Variants in NCBP3 observed in about 807,000 individuals in gnomAD.
NCBP3 encodes nuclear cap binding subunit 3.
Under a neutral mutation model 75.7 loss-of-function variants are expected in NCBP3, and 20 were observed. The observed-to-expected ratio is 0.26, with a 90% CI of 0.19 to 0.38. The LOEUF (loss-of-function observed/expected upper bound fraction) is 0.38, where lower values mean the gene tolerates loss of function less well. NCBP3 is among the 10% of genes least tolerant of loss of function. The pLI, the probability that NCBP3 is intolerant of heterozygous loss-of-function variation, is 1.00. For synonymous variants in NCBP3, 293 were observed against 290.5 expected (o/e 1.01, Z -0.09); for missense variants, 678 against 796.9 (o/e 0.85, Z 1.80).
chr17:3,824,453 CACACAT>C (rs202236183), intron 7 of NCBP3: 4,520 of 153,616 alleles, frequency 0.029, 110 homozygotes, highest in African/African-American at 0.066. Flanking sequence ...TGCATACATA[CACACAT>C]ACACGCGATA....
chr17:3,831,250 C>T (rs2053872366), intron 3 of NCBP3, among the ~76,000 whole-genome samples: 1 of 151,562 alleles, frequency 6.6e-6, no homozygotes, highest in South Asian at 2.1e-4. Context: ...CTCCTTTAAT[C>T]TCAATTGCAA....
At position 3,808,198 on chromosome 17, in the gene NCBP3, A is replaced by G. The variant is rs1597387918; in HGVS notation, c.*4846T>C. 2 of 152,252 alleles carry G rather than the reference A, an allele frequency of 1.3e-5. No homozygotes were observed. Among genetic ancestry groups the G allele is most frequent in the Admixed American group, 6.5e-5 (1 of 15,288 alleles). 9.4% of individuals were successfully genotyped at this position (152,252 alleles called of 1,614,324 possible). A position where few individuals can be genotyped will look rare whatever the true frequency, so the allele number is the denominator to read the frequency against. ...ACACCCCAAAACAAGTGATTTTTGC[A>G]CAACACAGCCCTAACTGCAGGCCAA... On this transcript the variant is annotated 3_prime_UTR_variant, in exon 13 of 13. Transcript: ENST00000389005.
chr17:3,835,350 G>C lies in NCBP3; in HGVS notation c.355+4750C>G, dbSNP rs534746022. ...ATGGCTGAGACAGAGACAACGGTGA[G>C]GAACAGTCCTGCCGTTCTCTCTGTG... On this transcript the variant is annotated intron_variant, in intron 3 of 12. Transcript: ENST00000389005. Among the ~76,000 whole-genome samples, 259 of 152,356 alleles carry C rather than the reference G, an allele frequency of 1.7e-3. 2 individuals carry two copies. The highest frequency in any genetic ancestry group is 2.7e-3 in the Non-Finnish European group (183 of 68,036).
Position 3,829,256 on chromosome 17 carries a change from C to T in NCBP3, c.468G>A (p.Leu156=). ...KEYPPAHIEW[L]DDTSCNVVWL... is the part of the protein sequence containing the mutation. ...GGGTGTACTTACAGGAGGTATCATC[C>T]AACCATTCGATGTGAGCTGGAGGAT... The change falls in exon 4 of 13, where the codon TTG becomes TTA. Residue 156 remains leucine (L), a synonymous_variant. Transcript: ENST00000389005. 1 of 1,551,568 alleles carries T rather than the reference C, an allele frequency of 6.4e-7. No individual in the cohort carries two copies.
chr17:3,820,592 T>C (rs1359081196), intron 9 of NCBP3, among the ~76,000 whole-genome samples: 2 of 152,340 alleles, frequency 1.3e-5, no homozygotes, highest in African/African-American at 2.4e-5. Flanking sequence ...CTATTTTTAA[T>C]ACAGAAAAAG....
In NCBP3 at chr17:3,807,201, T is replaced by C. The variant is rs935000084; in HGVS notation, c.*5843A>G. On this transcript the variant is annotated 3_prime_UTR_variant, in exon 13 of 13. Coordinates refer to ENST00000389005, the MANE Select transcript of NCBP3 (RefSeq NM_001114118.3). ...CCGACAGGACCACAGGCTTAAGAAC[T>C]GGCTCAGCAGTCCTTCTTTAGGGTC... 6.6e-6 allele frequency: 1 copy of C among 152,384 alleles called. No homozygotes were observed. Among genetic ancestry groups the C allele is most frequent in the Non-Finnish European group, 1.5e-5 (1 of 68,046 alleles). The allele number at this position is 152,384 out of a possible 1,614,324, so 9.4% of individuals were successfully genotyped here. A position where few individuals can be genotyped will look rare whatever the true frequency, so the allele number is the denominator to read the frequency against.
rs1442043272 is a variant in NCBP3, at chr17:3,808,825, G to A, written c.*4219C>T. 6.6e-6 allele frequency: 1 copy of A among 152,174 alleles called. No individual in the cohort carries two copies. Among genetic ancestry groups the A allele is most frequent in the Non-Finnish European group, 1.5e-5 (1 of 68,036 alleles). 9.4% of individuals were successfully genotyped at this position (152,174 alleles called of 1,614,324 possible). On this transcript the variant is annotated 3_prime_UTR_variant, in exon 13 of 13. Coordinates refer to ENST00000389005, the MANE Select transcript of NCBP3 (RefSeq NM_001114118.3). The stretch of plus-strand genomic sequence containing the variant: ...GCTCACCACAGCCTTGAATTACTGG[G>A]CTCATGCGATCAGGAGTGTGGAATT...
intron 4 of NCBP3, among the ~76,000 whole-genome samples, chr17:3,828,855 G>A (rs2053830536): frequency 6.6e-6 from 1 of 152,158 alleles, no homozygotes; most frequent in Non-Finnish European, 1.5e-5. Flanking sequence ...AGCCCTCTGA[G>A]TAACAGTACA....
Position 3,843,067 on chromosome 17 carries a change from A to C in NCBP3, c.249+19T>G. 6.5e-7 allele frequency: 1 copy of C among 1,538,512 alleles called. No individual in the cohort carries two copies. The highest frequency in any genetic ancestry group is 8.8e-7 in the Non-Finnish European group (1 of 1,135,158). The stretch of plus-strand genomic sequence containing the variant: ...CACTTGCTTATCAAGCTGAATAAAT[A>C]AATCATAGCCTGTCTTACCTTGGAG... On this transcript the variant is annotated intron_variant, in intron 2 of 12. Transcript: ENST00000389005.
At chr17:3,826,695 A>AAGGAAG (rs2053790973) in intron 4 of NCBP3, among the ~76,000 whole-genome samples, 2 of 146,084 alleles carry the variant, frequency 1.4e-5, no homozygotes, top group South Asian at 4.3e-4. Context: ...AGACAGAAAG[A>AAGGAAG]GAAGGAAGGA....
rs1183591 is a variant in NCBP3 at position 3,844,707 on chromosome 17, G to A, written c.183+1334C>T. ...CTCTACTAAAAATACAAAATTAGCC[G>A]GGCACGGTGGCACATCCCTGTAATC... On this transcript the variant is annotated intron_variant, in intron 1 of 12. Coordinates refer to ENST00000389005, the MANE Select transcript of NCBP3 (RefSeq NM_001114118.3). Among the ~76,000 whole-genome samples, 508 of 152,230 alleles carry A rather than the reference G, an allele frequency of 3.3e-3. 6 individuals carry two copies. The highest frequency in any genetic ancestry group is 0.011 in the African/African-American group (474 of 41,540).
chr17:3,818,366 C>T lies in NCBP3; in HGVS notation c.1207G>A (p.Asp403Asn), dbSNP rs764423300. ...ATCATTTTCAGTTCTAGATCATAGTCCATTTCATCTGAGTCTGAGCTGCTG... is the reference window on the plus strand; with the variant it reads ...ATCATTTTCAGTTCTAGATCATAGTTCATTTCATCTGAGTCTGAGCTGCTG... ...SASSSDSDEM[D>N]YDLELKMIST... Residue 403 changes from aspartate (D) to asparagine (N), a missense_variant, in exon 10 of 13, where the codon GAC becomes AAC. Around this residue, in one of 7 missense-constraint regions of NCBP3, gnomAD observed 365 missense variants for 392.7 expected, o/e 0.93. Coordinates refer to ENST00000389005, the MANE Select transcript of NCBP3 (RefSeq NM_001114118.3). This position sits in a 1 kb window ranked among gnomAD's most constrained non-coding sequence, Gnocchi z 4.7. 64 of 1,614,144 alleles carry T rather than the reference C, an allele frequency of 4.0e-5. No homozygotes were observed. Among genetic ancestry groups the T allele is most frequent in the Non-Finnish European group, 5.3e-5 (63 of 1,180,034 alleles).
In NCBP3 at chr17:3,802,525, G is replaced by A. The variant is rs1316894948; in HGVS notation, c.*10519C>T. On this transcript the variant is annotated 3_prime_UTR_variant, in exon 13 of 13. Transcript: ENST00000389005. ...AAACAGTTGTAAAAGCAAAATTCCAGGTCTGGTGGTTTTCCTGCCAGGTCA... is the reference window on the plus strand; with the variant it reads ...AAACAGTTGTAAAAGCAAAATTCCAAGTCTGGTGGTTTTCCTGCCAGGTCA... 1.3e-5 allele frequency: 2 copies of A among 152,210 alleles called. No individual in the cohort carries two copies. Among genetic ancestry groups the A allele is most frequent in the Non-Finnish European group, 2.9e-5 (2 of 68,046 alleles). The allele number at this position is 152,210 out of a possible 1,614,324, so 9.4% of individuals were successfully genotyped here.
At chr17:3,814,974 C>T (rs900321663) in intron 11 of NCBP3, among the ~76,000 whole-genome samples, 2 of 152,210 alleles carry the variant, frequency 1.3e-5, no homozygotes, top group Non-Finnish European at 2.9e-5. Context: ...CCCCTAACCA[C>T]CACAGCAACA....
intron 9 of NCBP3, among the ~76,000 whole-genome samples, chr17:3,819,602 A>G (rs767221216): frequency 2.4e-4 from 37 of 152,178 alleles, no homozygotes; most frequent in Non-Finnish European, 4.0e-4. Flanking sequence ...ACAAGGTTAC[A>G]TATTGATCAA....
rs2054038444 is a variant in NCBP3 at position 3,840,103 on chromosome 17, T to G, written c.352A>C (p.Lys118Gln). Reference sequence around the variant, plus strand: ...TTTCCCACAAAACACCCTGTACCTTTCTTCATCATGTCTCGGTCCAAGGCT... The same window carrying G: ...TTTCCCACAAAACACCCTGTACCTTGCTTCATCATGTCTCGGTCCAAGGCT... ...NVALDRDMMK[K>Q]AIPKVRLETI... The change falls in exon 3 of 13, where the codon AAA (lysine) becomes CAA (glutamine). Residue 118 changes from lysine (K) to glutamine (Q), a missense_variant. Physicochemically the swap from Lys to Gln is moderately conservative, Grantham distance 53. Around this residue, in one of 7 missense-constraint regions of NCBP3, gnomAD observed 40 missense variants for 41.3 expected, o/e 0.97. Coordinates refer to ENST00000389005, the MANE Select transcript of NCBP3 (RefSeq NM_001114118.3). 1.3e-6 allele frequency: 2 copies of G among 1,551,110 alleles called. No homozygotes were observed. Among genetic ancestry groups the G allele is most frequent in the Non-Finnish European group, 1.7e-6 (2 of 1,146,534 alleles).
At position 3,810,708 on chromosome 17, in the gene NCBP3, G is replaced by A. The variant is rs1206050887; in HGVS notation, c.*2336C>T. On this transcript the variant is annotated 3_prime_UTR_variant, in exon 13 of 13. Transcript: ENST00000389005. ...ACTCCGAGAAGTAAAAATCTTTAAA[G>A]CTGCCTTTCTGGGTTCTCTCTGTGT... The A allele has an allele frequency of 6.6e-6, 1 of 152,148 alleles. No individual in the cohort carries two copies. The highest frequency in any genetic ancestry group is 1.5e-5 in the Non-Finnish European group (1 of 68,034). The allele number at this position is 152,148 out of a possible 1,614,324, so 9.4% of individuals were successfully genotyped here. A position where few individuals can be genotyped will look rare whatever the true frequency, so the allele number is the denominator to read the frequency against.
At chr17:3,817,022 G>T (rs972049831) in intron 10 of NCBP3, among the ~76,000 whole-genome samples, 6 of 150,746 alleles carry the variant, frequency 4.0e-5, no homozygotes, top group African/African-American at 1.5e-4. Context: ...GCGACAGAGC[G>T]AGACTCCGTC....
chr17:3,802,221 GCTCT>G lies in NCBP3; in HGVS notation c.*10819_*10822del, dbSNP rs947992127. 1.3e-5 allele frequency: 2 copies of G among 152,026 alleles called. No individual in the cohort carries two copies. Among genetic ancestry groups the G allele is most frequent in the South Asian group, 4.2e-4 (2 of 4,802 alleles). The allele number at this position is 152,026 out of a possible 1,614,324, so 9.4% of individuals were successfully genotyped here. ...ACGTAAAAAGGCAGGACATTCCAAGGCTCTCTAACACGAGTGTCTGCAGCCCCAT... is the reference window on the plus strand; with the variant it reads ...ACGTAAAAAGGCAGGACATTCCAAGGCTAACACGAGTGTCTGCAGCCCCAT... On this transcript the variant is annotated 3_prime_UTR_variant, in exon 13 of 13. Transcript: ENST00000389005.
Sources: gnomAD v4.1 joint callset for allele counts (sites outside exome capture counted in the v4.1 genomes callset) on GRCh38, gnomAD v4.1.1 for gene constraint, gnomAD v4.1.1 regional missense constraint, Gnocchi (gnomAD v3.1) non-coding constraint, MANE v1.5 for transcripts, NCBI Gene and HGNC (gene_info 2026-07-23, HGNC 2026-07-21) for gene names.